Variants in PDE4D observed in about 807,000 individuals in gnomAD.
The protein encoded by PDE4D is phosphodiesterase 4D.
PDE4D carries 24 observed loss-of-function variants against 87.4 expected under a neutral mutation model. The ratio of observed to expected loss-of-function variants is 0.27; its 90% confidence interval spans 0.20 to 0.39. The LOEUF (loss-of-function observed/expected upper bound fraction) is 0.39. Among genes scored for constraint, PDE4D ranks in the 10% least tolerant of loss-of-function variants. PDE4D has a pLI of 1.00. For missense variants in PDE4D, 714 were observed against 1,041.0 expected (o/e 0.69, Z 4.32); for synonymous variants, 384 against 383.2 (o/e 1.00, Z -0.02).
intron 1 of PDE4D, among the ~76,000 whole-genome samples, chr5:59,448,633 T>C (rs1417555449): frequency 2.0e-5 from 3 of 152,172 alleles, no homozygotes; most frequent in East Asian, 3.8e-4. Context: ...TGTAGTAGAA[T>C]GTTGTAGTTT....
chr5:60,097,363 A>T (rs1582636017), intron 2 of PDE4D, among the ~76,000 whole-genome samples: 1 of 151,762 alleles, frequency 6.6e-6, no homozygotes, highest in East Asian at 1.9e-4. Context: ...GGAGAAATGC[A>T]GTATGAAGCC....
chr5:59,106,272 T>A (rs1771561857), intron 5 of PDE4D, among the ~76,000 whole-genome samples: 1 of 152,174 alleles, frequency 6.6e-6, no homozygotes, highest in East Asian at 1.9e-4. Context: ...CATGTGTAGC[T>A]GGTATAGAGG....
rs148796067 is a variant in PDE4D at position 60,211,557 on chromosome 5, A to G, written c.-89-25870T>C. On this transcript the variant is annotated intron_variant, in intron 1 of 16. Transcript: ENST00000502484. ...GTTTATTTGTATATATGTTTTATAT[A>G]TTGTGTTTATTACGCGTTTTATTTG... Among the ~76,000 whole-genome samples, 209 of 149,358 alleles carry G rather than the reference A, an allele frequency of 1.4e-3. 3 individuals are homozygous for G. In the East Asian group the frequency reaches 0.034, roughly 24 times the overall value.
At chr5:59,408,922 G>A (rs1404802257) in intron 1 of PDE4D, among the ~76,000 whole-genome samples, 14 of 152,104 alleles carry the variant, frequency 9.2e-5, no homozygotes, top group Non-Finnish European at 4.4e-5. Context: ...TGAGACAGGT[G>A]AATCACCTGA....
chr5:59,987,939 T>C (rs1762607090), intron 3 of PDE4D: 1 of 152,330 alleles, frequency 6.6e-6, no homozygotes, highest in South Asian at 2.1e-4. Context: ...GACTCCTCTA[T>C]AAGTACTAAT....
intron 1 of PDE4D, among the ~76,000 whole-genome samples, chr5:59,567,377 A>C (rs142017744): frequency 2.3e-3 from 352 of 152,344 alleles, no homozygotes; most frequent in African/African-American, 8.2e-3. Flanking sequence ...TCAAGAAAGT[A>C]CAGAGATTTA....
At chr5:59,094,216 CAAAAAAAAAAAAAAAAAA>C (rs1164383460) in intron 5 of PDE4D, among the ~76,000 whole-genome samples, 2 of 14,562 alleles carry the variant, frequency 1.4e-4, no homozygotes, top group African/African-American at 3.2e-4. Context: ...GACTCCGTCT[CAAAAAAAAAAAAAAAAAA>C]AAAAAAAAAA....
chr5:60,256,327 G>A (rs1749045141), intron 1 of PDE4D, among the ~76,000 whole-genome samples: 1 of 151,826 alleles, frequency 6.6e-6, no homozygotes, highest in South Asian at 2.1e-4. Context: ...CTCATCAGAG[G>A]TTTTAAAATA....
At chr5:60,038,699 C>T (rs1368234206) in intron 2 of PDE4D, among the ~76,000 whole-genome samples, 3 of 151,544 alleles carry the variant, frequency 2.0e-5, no homozygotes, top group African/African-American at 7.3e-5. Context: ...TGACAAAGGG[C>T]TAATATCCAG....
chr5:59,657,712 T>C (rs541708693), intron 1 of PDE4D, among the ~76,000 whole-genome samples: 3 of 152,334 alleles, frequency 2.0e-5, no homozygotes, highest in African/African-American at 7.2e-5. Context: ...AAAATCGCAA[T>C]TCTTCTTCAA....
intron 1 of PDE4D, among the ~76,000 whole-genome samples, chr5:60,257,288 CA>C (rs1315883679): frequency 4.6e-5 from 7 of 150,914 alleles, no homozygotes; most frequent in Non-Finnish European, 1.0e-4. Context: ...AAAAAGAAAA[CA>C]CAACAAAATC....
intron 1 of PDE4D, among the ~76,000 whole-genome samples, chr5:59,549,316 A>G (rs74523999): frequency 0.027 from 4,122 of 152,264 alleles, 191 homozygotes; most frequent in African/African-American, 0.093. Context: ...ATTCACTATC[A>G]CAACAAGGTA....
chr5:60,088,530 G>A (rs1774777637), intron 2 of PDE4D, among the ~76,000 whole-genome samples: 1 of 151,714 alleles, frequency 6.6e-6, no homozygotes. Context: ...GGGAGGGGGT[G>A]GTATTACAAT....
chr5:59,494,184 G>C (rs1806720374), intron 1 of PDE4D, among the ~76,000 whole-genome samples: 1 of 152,160 alleles, frequency 6.6e-6, no homozygotes, highest in African/African-American at 2.4e-5. Flanking sequence ...CCACTGGCAG[G>C]AAGGAAAATG....
At chr5:59,320,483 T>C (rs1354855033) in intron 1 of PDE4D, among the ~76,000 whole-genome samples, 1 of 152,128 alleles carries the variant, frequency 6.6e-6, no homozygotes, top group African/African-American at 2.4e-5. Context: ...AAGTGAACAA[T>C]TTTAATCATA....
chr5:59,514,244 T>C (rs942889503), intron 1 of PDE4D, among the ~76,000 whole-genome samples: 14 of 151,994 alleles, frequency 9.2e-5, no homozygotes, highest in African/African-American at 3.1e-4. Context: ...TAGCTGGGAC[T>C]ACAGGCGCCC....
chr5:60,481,968 C>T (rs1243360302), intron 1 of PDE4D, among the ~76,000 whole-genome samples: 1 of 151,630 alleles, frequency 6.6e-6, no homozygotes, highest in Non-Finnish European at 1.5e-5. Context: ...TACTGAAGAA[C>T]AGTAAGGAAA....
chr5:59,416,182 A>G (rs1393027705), intron 1 of PDE4D, among the ~76,000 whole-genome samples: 1 of 152,100 alleles, frequency 6.6e-6, no homozygotes, highest in African/African-American at 2.4e-5. Flanking sequence ...TATATCTTAC[A>G]TTTTTTTATG....
At chr5:59,818,030 C>T (rs540534052) in intron 1 of PDE4D, among the ~76,000 whole-genome samples, 95 of 152,240 alleles carry the variant, frequency 6.2e-4, no homozygotes, top group African/African-American at 2.2e-3. Context: ...GTTAGGGAGA[C>T]ACTCTGAGGA....
Sources: gnomAD v4.1 joint callset for allele counts (sites outside exome capture counted in the v4.1 genomes callset) on GRCh38, gnomAD v4.1.1 for gene constraint, MANE v1.5 for transcripts, NCBI Gene and HGNC (gene_info 2026-07-23, HGNC 2026-07-21) for gene names.